The following CLASP2 variants were observed in gnomAD, a reference collection of about 807,000 sequenced individuals.
The protein encoded by CLASP2 is CLIP-associating protein 2.
Under a neutral mutation model 194.4 loss-of-function variants are expected in CLASP2, and 47 were observed. The ratio of observed to expected loss-of-function variants is 0.24; its 90% CI spans 0.19 to 0.31. CLASP2 has a LOEUF of 0.31. Ranked by LOEUF, CLASP2 falls within the 10% of genes least tolerant of loss-of-function variation. CLASP2 has a pLI of 1.00. For synonymous variants in CLASP2, 619 were observed against 633.5 expected (o/e 0.98, Z 0.34); for missense variants, 1,445 against 1,823.6 (o/e 0.79, Z 3.78).
intron 2 of CLASP2, among the ~76,000 whole-genome samples, chr3:33,690,381 C>T (rs139187944): frequency 6.6e-5 from 10 of 151,948 alleles, no homozygotes; most frequent in Non-Finnish European, 1.2e-4. Flanking sequence ...TTTCCTCAGC[C>T]GTAAATGTGG....
chr3:33,708,508 A>ATATATG (rs2092821417), intron 1 of CLASP2, among the ~76,000 whole-genome samples: 1 of 113,754 alleles, frequency 8.8e-6, no homozygotes, highest in African/African-American at 3.7e-5. Flanking sequence ...ATATATATGT[A>ATATATG]TATATATGTA....
At chr3:33,563,693 AG>A (rs1303333443) in intron 27 of CLASP2, among the ~76,000 whole-genome samples, 1 of 152,224 alleles carries the variant, frequency 6.6e-6, no homozygotes, top group Non-Finnish European at 1.5e-5. Flanking sequence ...AACAGGCAGC[AG>A]GGAAGATGTG....
In CLASP2 at chr3:33,659,203, A is replaced by T. The variant is rs145520234; in HGVS notation, c.715+4242T>A. On this transcript the variant is annotated intron_variant, in intron 7 of 38. Transcript: ENST00000682230. ...GGGGTCTTGCTGAAAACCCTCGTTT[A>T]TTTAGCACAGCCTAGAAGGACTTGA... 120 of 1,366,486 alleles carry T rather than the reference A, an allele frequency of 8.8e-5. No individual in the cohort carries two copies. In the African/African-American group the frequency reaches 1.5e-3, roughly 17 times the overall value. 84.6% of individuals were successfully genotyped at this position (1,366,486 alleles called of 1,614,324 possible). A position where few individuals can be genotyped will look rare whatever the true frequency, so the allele number is the denominator to read the frequency against.
At chr3:33,713,043 A>AAAAAAAAAT (rs2093109994) in intron 1 of CLASP2, among the ~76,000 whole-genome samples, 1 of 150,400 alleles carries the variant, frequency 6.6e-6, no homozygotes, top group African/African-American at 2.4e-5. Flanking sequence ...AAAAAAAGAA[A>AAAAAAAAAT]GTGTGAATCA....
At chr3:33,625,081 T>G (rs1003130155) in intron 10 of CLASP2, among the ~76,000 whole-genome samples, 1 of 151,618 alleles carries the variant, frequency 6.6e-6, no homozygotes, top group African/African-American at 2.4e-5. Context: ...AAAAGCACCA[T>G]TGTTACAAAA....
At chr3:33,715,185 A>G (rs934797734) in intron 1 of CLASP2, among the ~76,000 whole-genome samples, 3 of 152,192 alleles carry the variant, frequency 2.0e-5, no homozygotes, top group Non-Finnish European at 4.4e-5. Context: ...CACCCAAAGT[A>G]GAGTCTCATA....
intron 9 of CLASP2, among the ~76,000 whole-genome samples, chr3:33,630,133 G>A (rs2078802247): frequency 6.6e-6 from 1 of 152,198 alleles, no homozygotes; most frequent in Non-Finnish European, 1.5e-5. Flanking sequence ...CAGTGAAAGT[G>A]AGGAGGAGGT....
At chr3:33,569,870 G>C (rs1576567385) in intron 26 of CLASP2, among the ~76,000 whole-genome samples, 1 of 151,962 alleles carries the variant, frequency 6.6e-6, no homozygotes, top group South Asian at 2.1e-4. Flanking sequence ...AGTGTTGTAA[G>C]TAATGAAAAT....
At chr3:33,587,839 T>C (rs2067763922) in intron 21 of CLASP2, among the ~76,000 whole-genome samples, 1 of 152,214 alleles carries the variant, frequency 6.6e-6, no homozygotes, top group African/African-American at 2.4e-5. Flanking sequence ...GCCAATGGAA[T>C]GTTTTATGGG....
At chr3:33,568,167 C>T (rs539332651) in intron 26 of CLASP2, among the ~76,000 whole-genome samples, 3 of 152,230 alleles carry the variant, frequency 2.0e-5, no homozygotes, top group Admixed American at 6.5e-5. Flanking sequence ...CAGGGGTCAG[C>T]AAACTATGGC....
intron 1 of CLASP2, among the ~76,000 whole-genome samples, chr3:33,708,343 G>A (rs984652668): frequency 9.6e-5 from 14 of 146,576 alleles, no homozygotes; most frequent in African/African-American, 2.5e-4. Context: ...TTGTCTTTCT[G>A]TGTCTGGCTT....
At chr3:33,640,863 A>T (rs1005332493) in intron 8 of CLASP2, among the ~76,000 whole-genome samples, 1 of 152,144 alleles carries the variant, frequency 6.6e-6, no homozygotes, top group South Asian at 2.1e-4. Context: ...CAAATGCTCT[A>T]TTTTGCTGGG....
At chr3:33,507,137 A>C (rs1436073468) in intron 37 of CLASP2, among the ~76,000 whole-genome samples, 2 of 151,894 alleles carry the variant, frequency 1.3e-5, no homozygotes, top group African/African-American at 4.8e-5. Context: ...ACGGGGTTTC[A>C]CTATGGCCAG....
intron 7 of CLASP2, among the ~76,000 whole-genome samples, chr3:33,649,778 T>C (rs558975699): frequency 1.2e-4 from 18 of 152,216 alleles, no homozygotes; most frequent in African/African-American, 3.9e-4. Flanking sequence ...CTATAGTCAA[T>C]TCCTTTCAAG....
intron 11 of CLASP2, among the ~76,000 whole-genome samples, chr3:33,620,427 A>G (rs550004939): frequency 2.0e-5 from 3 of 152,306 alleles, no homozygotes; most frequent in Admixed American, 1.3e-4. Context: ...TGCTTGCAAT[A>G]CTGGTTAATT....
chr3:33,696,054 A>C (rs1190175238), intron 2 of CLASP2, among the ~76,000 whole-genome samples: 1 of 152,194 alleles, frequency 6.6e-6, no homozygotes, highest in Non-Finnish European at 1.5e-5. Flanking sequence ...ATCAATCTAC[A>C]GACTGTCTAT....
At chr3:33,532,600 G>A (rs186726815) in intron 34 of CLASP2, among the ~76,000 whole-genome samples, 2 of 152,188 alleles carry the variant, frequency 1.3e-5, no homozygotes, top group Admixed American at 6.5e-5. Context: ...TTCTAATGGG[G>A]TTTTAAGGAT....
intron 21 of CLASP2, 92 bp downstream of exon 21, chr3:33,592,303 C>G: frequency 1.1e-6 from 1 of 890,474 alleles, no homozygotes; most frequent in Non-Finnish European, 1.8e-6. Context: ...TTGTCTTTAT[C>G]CACTGGTCAA....
chr3:33,640,717 G>A (rs2081127083), intron 8 of CLASP2, among the ~76,000 whole-genome samples: 1 of 151,896 alleles, frequency 6.6e-6, no homozygotes, highest in African/African-American at 2.4e-5. Context: ...TTTTTAAAAA[G>A]AGTAGCAGCC....
Sources: gnomAD v4.1 joint callset for allele counts (sites outside exome capture counted in the v4.1 genomes callset) on GRCh38, gnomAD v4.1.1 for gene constraint, MANE v1.5 for transcripts, NCBI Gene and HGNC (gene_info 2026-07-23, HGNC 2026-07-21) for gene names.